The following TRDN variants were observed in gnomAD, a reference collection of about 807,000 sequenced individuals.
The protein encoded by TRDN is triadin.
TRDN carries 161 observed loss-of-function variants against 149.7 expected under a neutral mutation model. The ratio of observed to expected loss-of-function variants is 1.08; its 90% CI spans 0.95 to 1.23. TRDN has a LOEUF of 1.23. Among genes scored for constraint, TRDN ranks in the 50% most tolerant of loss-of-function variants. The pLI is 0.00. For missense variants in TRDN, 896 were observed against 823.5 expected (o/e 1.09, Z -1.08); for synonymous variants, 294 against 250.5 (o/e 1.17, Z -1.64).
chr6:123,421,337 T>C (rs1773890291), intron 12 of TRDN, among the ~76,000 whole-genome samples: 1 of 152,176 alleles, frequency 6.6e-6, no homozygotes. Context: ...TGACAGTATA[T>C]TGGCAGATTA....
At chr6:123,355,094 T>G (rs984660841) in intron 20 of TRDN, among the ~76,000 whole-genome samples, 3 of 151,646 alleles carry the variant, frequency 2.0e-5, no homozygotes, top group African/African-American at 7.2e-5. Flanking sequence ...GGAGTGCCTC[T>G]TTAGATTTTT....
intron 12 of TRDN, among the ~76,000 whole-genome samples, chr6:123,398,950 C>T (rs1772845924): frequency 6.6e-6 from 1 of 152,056 alleles, no homozygotes; most frequent in African/African-American, 2.4e-5. Context: ...TAGATTTTTT[C>T]CCCCAGAAAA....
At chr6:123,225,877 G>C (rs1242740720) in intron 38 of TRDN, among the ~76,000 whole-genome samples, 1 of 151,682 alleles carries the variant, frequency 6.6e-6, no homozygotes, top group African/African-American at 2.4e-5. Flanking sequence ...ATAACGGAAT[G>C]ATGCTTTAAT....
At chr6:123,402,041 C>T (rs2163446) in intron 12 of TRDN, among the ~76,000 whole-genome samples, 134,811 of 152,122 alleles carry the variant, frequency 0.89, 59,916 homozygotes, top group East Asian at 0.99. Context: ...GACAATGTAT[C>T]CTCCTGGAAT....
Position 123,279,095 on chromosome 6 carries a change from A to T in TRDN, c.1511-13T>A, listed in dbSNP as rs747659429. On this transcript the variant is annotated splice_polypyrimidine_tract_variant and intron_variant, in intron 24 of 40. Transcript: ENST00000334268. ...TTGACTTCTTTGCCTAGAAAAAAGT[A>T]AAAAAATTATTAAAGGCTGAGTCAT... 2.5e-6 allele frequency: 4 copies of T among 1,601,612 alleles called. No individual in the cohort carries two copies. Among genetic ancestry groups the T allele is most frequent in the South Asian group, 1.1e-5 (1 of 89,546 alleles).
intron 32 of TRDN, among the ~76,000 whole-genome samples, chr6:123,266,591 TATATATATTATAATATGTATTATATATA>T (rs1562237637): frequency 1.6e-4 from 9 of 57,110 alleles, no homozygotes; most frequent in African/African-American, 8.7e-4. Context: ...TTATATATAA[TATATATATTATAATATGTATTATATATA>T]ATATATATTA....
At chr6:123,585,144 T>G (rs9375273) in intron 1 of TRDN, among the ~76,000 whole-genome samples, 5,311 of 123,024 alleles carry the variant, frequency 0.043, 139 homozygotes, top group Middle Eastern at 0.1. Flanking sequence ...TGGGTTAAGG[T>G]GGGGGAATAC....
intron 2 of TRDN, among the ~76,000 whole-genome samples, chr6:123,568,807 A>C (rs2114528868): frequency 1.3e-5 from 2 of 152,328 alleles, no homozygotes; most frequent in Admixed American, 1.3e-4. Flanking sequence ...GATGGGAAAG[A>C]CTGTTGCAAG....
chr6:123,599,370 A>G (rs1424977130), intron 1 of TRDN, among the ~76,000 whole-genome samples: 2 of 152,088 alleles, frequency 1.3e-5, no homozygotes, highest in Non-Finnish European at 2.9e-5. Flanking sequence ...TGCAAAGTAC[A>G]CAACTGATGC....
At chr6:123,496,030 T>TATTAATATATTATTAATAATATATATC (rs1778429341) in intron 9 of TRDN, among the ~76,000 whole-genome samples, 2 of 147,580 alleles carry the variant, frequency 1.4e-5, no homozygotes, top group South Asian at 2.1e-4. Context: ...ACATCGATAT[T>TATTAATATATTATTAATAATATATATC]ATTAATATAT....
intron 1 of TRDN, among the ~76,000 whole-genome samples, chr6:123,587,128 G>A (rs1783535581): frequency 6.6e-6 from 1 of 151,964 alleles, no homozygotes; most frequent in Admixed American, 6.6e-5. Context: ...AAGGGGTTGG[G>A]GTACTTGCCC....
intron 10 of TRDN, chr6:123,444,880 A>T (rs1212029694): frequency 6.6e-6 from 1 of 152,212 alleles, no homozygotes; most frequent in East Asian, 1.9e-4. Flanking sequence ...CCACTTGATC[A>T]TGGTGGATAA....
chr6:123,574,791 T>C (rs993303252), intron 1 of TRDN, among the ~76,000 whole-genome samples: 2 of 148,040 alleles, frequency 1.4e-5, no homozygotes, highest in Non-Finnish European at 3.0e-5. Flanking sequence ...TTGATATGAA[T>C]GAGTTGAATC....
intron 10 of TRDN, among the ~76,000 whole-genome samples, chr6:123,454,686 C>G (rs941934086): frequency 2.0e-5 from 3 of 152,182 alleles, no homozygotes; most frequent in Non-Finnish European, 2.9e-5. Context: ...GCATTACTGC[C>G]TGAGCTCCGC....
rs549945462 is a variant in TRDN at position 123,528,777 on chromosome 6, G to T, written c.484+1729C>A. 20 of 991,216 alleles carry T rather than the reference G, an allele frequency of 2.0e-5. No homozygotes were observed. The African/African-American group carries it at 3.1e-4, about 16-fold the overall frequency. The allele number at this position is 991,216 out of a possible 1,614,324, so 61.4% of individuals were successfully genotyped here. On this transcript the variant is annotated intron_variant, in intron 5 of 40. Coordinates refer to ENST00000334268, the MANE Select transcript of TRDN (RefSeq NM_006073.4). ...CAGACGGGAAACTAAGCAATAAAGT[G>T]AAATCTTTTGTTCATATTCACACAG...
chr6:123,376,489 A>G (rs1781511590), intron 18 of TRDN, among the ~76,000 whole-genome samples: 2 of 152,104 alleles, frequency 1.3e-5, no homozygotes, highest in African/African-American at 4.8e-5. Context: ...CAAGCGCCCA[A>G]TGTGTCCTGG....
In TRDN at chr6:123,271,582, G is replaced by A. The variant is rs149839348; in HGVS notation, c.1673-396C>T. 5.1e-3 allele frequency among the ~76,000 whole-genome samples: 774 copies of A among 152,022 alleles called. 2 individuals carry two copies. Among genetic ancestry groups the A allele is most frequent in the Middle Eastern group, 0.024 (7 of 294 alleles). On this transcript the variant is annotated intron_variant, in intron 29 of 40. Transcript: ENST00000334268. ...ATCTTCTTGTACTGATACCTCCCTGGGAACCCAGGAATAGGTGGAGAACCC... is the reference window on the plus strand; with the variant it reads ...ATCTTCTTGTACTGATACCTCCCTGAGAACCCAGGAATAGGTGGAGAACCC...
chr6:123,275,513 T>C (rs1487986817), intron 26 of TRDN, among the ~76,000 whole-genome samples: 2 of 152,136 alleles, frequency 1.3e-5, no homozygotes, highest in Non-Finnish European at 2.9e-5. Context: ...ACTTCCAAAA[T>C]TGTGAGAGAG....
intron 23 of TRDN, among the ~76,000 whole-genome samples, chr6:123,320,047 A>G (rs1779184853): frequency 6.6e-6 from 1 of 152,124 alleles, no homozygotes. Flanking sequence ...TTTATTCAAT[A>G]TATAAATCCC....
Sources: gnomAD v4.1 joint callset for allele counts (sites outside exome capture counted in the v4.1 genomes callset) on GRCh38, gnomAD v4.1.1 for gene constraint, MANE v1.5 for transcripts, NCBI Gene and HGNC (gene_info 2026-07-23, HGNC 2026-07-21) for gene names.